Variants in PABPC4L observed in about 807,000 individuals in gnomAD.
PABPC4L encodes polyadenylate-binding protein 4-like.
For synonymous variants in PABPC4L, 169 were observed against 164.1 expected (o/e 1.03, Z -0.23); for missense variants, 452 against 451.4 (o/e 1.00, Z -0.01).
At chr4:133,964,888 TC>T in the PABPC4L span, among the ~76,000 whole-genome samples, 4 of 152,020 alleles carry the variant, frequency 2.6e-5, no homozygotes, top group Non-Finnish European at 5.9e-5. Flanking sequence ...GTTGAAAGCC[TC>T]CCCTCTGAGA....
At chr4:134,052,632 T>C in the PABPC4L span, among the ~76,000 whole-genome samples, 1 of 151,920 alleles carries the variant, frequency 6.6e-6, no homozygotes, top group South Asian at 2.1e-4. Flanking sequence ...TATAGTAAAA[T>C]GTGACCACCA....
the PABPC4L span, among the ~76,000 whole-genome samples, chr4:134,149,314 T>TA: frequency 7.2e-5 from 11 of 152,094 alleles, no homozygotes; most frequent in African/African-American, 2.7e-4. Flanking sequence ...AACTCCACTG[T>TA]AAAAAAGATG....
At chr4:134,093,843 A>G in the PABPC4L span, among the ~76,000 whole-genome samples, 1 of 151,418 alleles carries the variant, frequency 6.6e-6, no homozygotes, top group Non-Finnish European at 1.5e-5. Flanking sequence ...AATACCTGCT[A>G]TTTTGAAAGC....
the PABPC4L span, among the ~76,000 whole-genome samples, chr4:134,091,105 T>A: frequency 6.6e-6 from 1 of 152,130 alleles, no homozygotes; most frequent in Non-Finnish European, 1.5e-5. Flanking sequence ...TAGAGAAGAC[T>A]GAGGTCATTA....
At chr4:134,083,002 T>G in the PABPC4L span, among the ~76,000 whole-genome samples, 2 of 152,174 alleles carry the variant, frequency 1.3e-5, no homozygotes, top group Non-Finnish European at 2.9e-5. Flanking sequence ...TCACCATAGA[T>G]TATACTACTC....
At chr4:133,956,480 AC>A in the PABPC4L span, among the ~76,000 whole-genome samples, 1 of 152,018 alleles carries the variant, frequency 6.6e-6, no homozygotes, top group African/African-American at 2.4e-5. Flanking sequence ...AGGACAAGTT[AC>A]CCCCAAATAT....
At chr4:133,971,049 C>T in the PABPC4L span, among the ~76,000 whole-genome samples, 2 of 150,826 alleles carry the variant, frequency 1.3e-5, no homozygotes, top group African/African-American at 2.4e-5. Flanking sequence ...TTTTACTCAT[C>T]ATGTTCAGTG....
the PABPC4L span, among the ~76,000 whole-genome samples, chr4:133,977,398 T>A: frequency 6.6e-6 from 1 of 152,164 alleles, no homozygotes; most frequent in Non-Finnish European, 1.5e-5. Context: ...CTATATGAGC[T>A]TTTTTGTCGT....
At chr4:133,953,742 T>A in the PABPC4L span, among the ~76,000 whole-genome samples, 1 of 152,198 alleles carries the variant, frequency 6.6e-6, no homozygotes, top group Admixed American at 6.5e-5. Flanking sequence ...TCTGCCCAGA[T>A]GGCAGGACTC....
At chr4:133,987,488 T>G in the PABPC4L span, among the ~76,000 whole-genome samples, 1 of 152,074 alleles carries the variant, frequency 6.6e-6, no homozygotes, top group African/African-American at 2.4e-5. Context: ...TATTTCCAAT[T>G]AACTCTTCTC....
At chr4:134,186,492 T>G in the PABPC4L span, among the ~76,000 whole-genome samples, 1 of 152,150 alleles carries the variant, frequency 6.6e-6, no homozygotes, top group Non-Finnish European at 1.5e-5. Context: ...TAGCCATATG[T>G]AGAAAGCTGA....
chr4:134,112,566 GTAAC>G, the PABPC4L span, among the ~76,000 whole-genome samples: 2 of 136,006 alleles, frequency 1.5e-5, no homozygotes, highest in East Asian at 4.4e-4. Context: ...TATGCTCCAC[GTAAC>G]TATCTATCTA....
At chr4:134,054,311 T>C in the PABPC4L span, among the ~76,000 whole-genome samples, 4 of 144,696 alleles carry the variant, frequency 2.8e-5, no homozygotes, top group Non-Finnish European at 6.1e-5. Flanking sequence ...TAGTTTTGAT[T>C]GCAATTCTGG....
At chr4:134,180,289 T>G in the PABPC4L span, among the ~76,000 whole-genome samples, 1 of 151,926 alleles carries the variant, frequency 6.6e-6, no homozygotes, top group Non-Finnish European at 1.5e-5. Context: ...TTGAATGACT[T>G]TTGGGTAAAT....
downstream of PABPC4L, among the ~76,000 whole-genome samples, chr4:134,193,709 A>G (rs1264740242): frequency 2.0e-5 from 3 of 151,992 alleles, no homozygotes; most frequent in Non-Finnish European, 2.9e-5. Flanking sequence ...CCAGAAGCAT[A>G]AGAATATCTA....
the PABPC4L span, among the ~76,000 whole-genome samples, chr4:134,015,577 A>T: frequency 6.6e-6 from 1 of 152,084 alleles, no homozygotes; most frequent in Non-Finnish European, 1.5e-5. Context: ...CCCAAATTTC[A>T]TCCTCATCTG....
rs1156425835 is a variant in PABPC4L, at chr4:134,199,600, ACCT to A, written c.*304_*306del. The A allele has an allele frequency of 4.7e-6, 1 of 213,114 alleles. No individual in the cohort carries two copies. The highest frequency in any genetic ancestry group is 1.6e-4 in the South Asian group (1 of 6,224). The allele number at this position is 213,114 out of a possible 1,614,324, so 13.2% of individuals were successfully genotyped here. A position where few individuals can be genotyped will look rare whatever the true frequency, so the allele number is the denominator to read the frequency against. On this transcript the variant is annotated 3_prime_UTR_variant, in exon 2 of 2. Coordinates refer to ENST00000421491, the MANE Select transcript of PABPC4L (RefSeq NM_001114734.2). ...AAATATGCAATAAATTCAAATAATT[ACCT>A]CATTTCATTTGGTTCAAATGTAAAA...
chr4:134,147,462 G>C, the PABPC4L span, among the ~76,000 whole-genome samples: 107 of 152,132 alleles, frequency 7.0e-4, 1 homozygote, highest in African/African-American at 2.6e-3. Flanking sequence ...TATTTTTGAG[G>C]AGATGTGTGA....
At chr4:134,137,958 C>T in the PABPC4L span, among the ~76,000 whole-genome samples, 1 of 151,698 alleles carries the variant, frequency 6.6e-6, no homozygotes, top group African/African-American at 2.4e-5. Flanking sequence ...GGGATTTGAG[C>T]CCATATGTGA....
Sources: allele counts gnomAD v4.1 joint callset (sites outside exome capture counted in the v4.1 genomes callset), GRCh38; gene constraint gnomAD v4.1.1; transcripts MANE v1.5; gene names NCBI Gene and HGNC (gene_info 2026-07-23, HGNC 2026-07-21).